ZDHHC11B: variants seen among roughly 807,000 people sequenced by gnomAD.
ZDHHC11B encodes the protein probable palmitoyltransferase ZDHHC11B.
Under a neutral mutation model 42.3 loss-of-function variants are expected in ZDHHC11B, and 17 were observed. The observed-to-expected ratio is 0.40, with a 90% CI of 0.27 to 0.60. The LOEUF (loss-of-function observed/expected upper bound fraction) is 0.60. Ranked by LOEUF, ZDHHC11B falls within the 20% of genes least tolerant of loss-of-function variation. The probability of loss-of-function intolerance (pLI) is 0.41; values close to 1 mark genes in which losing one functional copy is unlikely to be tolerated. For synonymous variants in ZDHHC11B, 123 were observed against 193.5 expected, an observed-to-expected ratio of 0.64 and a Z score of 3.02; for missense variants, 262 against 463.2, an observed-to-expected ratio of 0.57 and a Z score of 3.99.
chr5:729,075 T>G (rs1450416581), intron 12 of ZDHHC11B, among the ~76,000 whole-genome samples: 1 of 150,324 alleles, frequency 6.7e-6, no homozygotes, highest in Non-Finnish European at 1.5e-5. Context: ...TGAGGCCAGC[T>G]GGGTGCACTC....
intron 4 of ZDHHC11B, among the ~76,000 whole-genome samples, chr5:762,284 G>T (rs1352882811): frequency 6.6e-6 from 1 of 151,496 alleles, no homozygotes; most frequent in African/African-American, 2.4e-5. Flanking sequence ...GCCACTCACA[G>T]CCTCAACGGC....
chr5:766,936 G>A lies in ZDHHC11B; in HGVS notation c.1-17C>T, dbSNP rs1399879331. ...GGTGTCCATCTGCAGGACACAGAAG[G>A]GGAGGACCTGCGCCATCAGCTCCGG... On this transcript the variant is annotated splice_polypyrimidine_tract_variant and intron_variant, in intron 3 of 13. Coordinates refer to ENST00000508859, the MANE Select transcript of ZDHHC11B (RefSeq NM_001351303.2). 2 of 1,608,574 alleles carry A rather than the reference G, an allele frequency of 1.2e-6. No individual in the cohort carries two copies. The highest frequency in any genetic ancestry group is 8.5e-7 in the Non-Finnish European group (1 of 1,176,660).
intron 7 of ZDHHC11B, 122 bp downstream of exon 7, chr5:751,010 TG>T (rs1237042533): frequency 3.8e-5 from 28 of 741,996 alleles, no homozygotes; most frequent in Non-Finnish European, 5.1e-5. Flanking sequence ...AGAGCCTGCA[TG>T]GGGCTGCCTG....
intron 12 of ZDHHC11B, among the ~76,000 whole-genome samples, chr5:721,749 T>A (rs111994772): frequency 0.029 from 4,299 of 150,700 alleles, 112 homozygotes; most frequent in African/African-American, 0.1. Context: ...AAGGAAAGAG[T>A]GGGGCTAGTG....
At chr5:757,636 C>T (rs1186020005) in intron 4 of ZDHHC11B, among the ~76,000 whole-genome samples, 4 of 151,974 alleles carry the variant, frequency 2.6e-5, no homozygotes, top group Non-Finnish European at 2.9e-5. Flanking sequence ...GACACAGGTG[C>T]CGAATCCCTC....
chr5:765,845 C>G (rs550294233), intron 4 of ZDHHC11B, among the ~76,000 whole-genome samples: 1 of 151,922 alleles, frequency 6.6e-6, no homozygotes, highest in Non-Finnish European at 1.5e-5. Context: ...ACACTCACCG[C>G]GAGGGTCTGC....
At chr5:769,960 C>T (rs1237296620) in intron 1 of ZDHHC11B, among the ~76,000 whole-genome samples, 3 of 151,896 alleles carry the variant, frequency 2.0e-5, no homozygotes, top group Non-Finnish European at 4.4e-5. Flanking sequence ...CTGACCAGCA[C>T]CACAGCCCCG....
chr5:739,554 T>C (rs1358971931), intron 10 of ZDHHC11B, among the ~76,000 whole-genome samples: 1 of 147,872 alleles, frequency 6.8e-6, no homozygotes, highest in African/African-American at 2.5e-5. Context: ...GCAAATAAAA[T>C]CCACAATGCA....
chr5:744,577 T>G (rs1240989259), intron 9 of ZDHHC11B, among the ~76,000 whole-genome samples: 5 of 149,212 alleles, frequency 3.4e-5, no homozygotes, highest in African/African-American at 1.2e-4. Context: ...TTCCTTAAGT[T>G]AAAAATCATG....
intron 11 of ZDHHC11B, chr5:732,698 C>T: frequency 4.6e-6 from 2 of 436,066 alleles, no homozygotes; most frequent in Admixed American, 2.5e-5. Flanking sequence ...TCACCTGTAA[C>T]CTCCAGAAAC....
At chr5:749,732 A>G (rs1275279749) in intron 7 of ZDHHC11B, among the ~76,000 whole-genome samples, 1 of 130,436 alleles carries the variant, frequency 7.7e-6, no homozygotes, top group East Asian at 3.2e-4. Flanking sequence ...AAGGCAGCAC[A>G]TGCCATCTTG....
chr5:745,446 G>T (rs1744676487), intron 8 of ZDHHC11B, 148 bp from the exon 9 acceptor site: 3 of 754,514 alleles, frequency 4.0e-6, no homozygotes, highest in Non-Finnish European at 4.3e-6. Context: ...GCCCTGTGAG[G>T]TCAGGATGAG....
intron 1 of ZDHHC11B, among the ~76,000 whole-genome samples, chr5:776,001 TCCCATGCAGATA>T (rs1005168480): frequency 1.5e-4 from 22 of 148,130 alleles, no homozygotes; most frequent in African/African-American, 5.6e-4. Context: ...ATGGGCAGAT[TCCCATGCAGATA>T]CCCTGGCCTC....
At chr5:753,247 G>A (rs1260424097) in intron 6 of ZDHHC11B, among the ~76,000 whole-genome samples, 2 of 128,272 alleles carry the variant, frequency 1.6e-5, no homozygotes, top group African/African-American at 5.0e-5. Context: ...CGGGGGCTCT[G>A]CCATCAGCTC....
chr5:730,195 G>A (rs1742911505), intron 12 of ZDHHC11B, among the ~76,000 whole-genome samples: 1 of 151,772 alleles, frequency 6.6e-6, no homozygotes, highest in Non-Finnish European at 1.5e-5. Context: ...AACTACGCTT[G>A]GCCTTATTTT....
At chr5:771,546 G>A (rs1230843005) in intron 1 of ZDHHC11B, among the ~76,000 whole-genome samples, 1 of 151,576 alleles carries the variant, frequency 6.6e-6, no homozygotes, top group East Asian at 1.9e-4. Flanking sequence ...AGGATCCTGG[G>A]GGTGGAAAGG....
At chr5:773,164 C>A (rs1339031050) in intron 1 of ZDHHC11B, among the ~76,000 whole-genome samples, 1 of 151,834 alleles carries the variant, frequency 6.6e-6, no homozygotes, top group Non-Finnish European at 1.5e-5. Context: ...AGGTGTCAGA[C>A]GGACAACGAG....
At chr5:746,762 G>A (rs62332113) in intron 8 of ZDHHC11B, among the ~76,000 whole-genome samples, 93,648 of 146,494 alleles carry the variant, frequency 0.64, 27,666 homozygotes, top group Middle Eastern at 0.74. Context: ...AGCCCCCCAC[G>A]TGCTCAGCAC....
intron 11 of ZDHHC11B, chr5:732,616 T>C (rs1743100209): frequency 2.2e-6 from 1 of 449,116 alleles, no homozygotes; most frequent in Non-Finnish European, 4.5e-6. Flanking sequence ...CATTTCCAAG[T>C]CACAGGAGCC....
Sources: allele counts gnomAD v4.1 joint callset (sites outside exome capture counted in the v4.1 genomes callset), GRCh38; gene constraint gnomAD v4.1.1; transcripts MANE v1.5; gene names NCBI Gene and HGNC (gene_info 2026-07-23, HGNC 2026-07-21).